MECOM: variants seen among roughly 807,000 people sequenced by gnomAD.
The protein encoded by MECOM is histone-lysine N-methyltransferase MECOM.
A neutral mutation model predicts 116.3 loss-of-function variants in MECOM; 13 were observed. The observed-to-expected ratio is 0.11, with a 90% CI of 0.07 to 0.18. The LOEUF (loss-of-function observed/expected upper bound fraction) is 0.18. Ranked by LOEUF, MECOM falls within the 10% of genes least tolerant of loss-of-function variation. MECOM has a pLI of 1.00. For missense variants in MECOM, 1,299 were observed against 1,509.0 expected (o/e 0.86, Z 2.31); for synonymous variants, 528 against 535.2 (o/e 0.99, Z 0.19).
chr3:169,485,702 C>T (rs1465920530), intron 1 of MECOM, among the ~76,000 whole-genome samples: 1 of 151,258 alleles, frequency 6.6e-6, no homozygotes, highest in African/African-American at 2.4e-5. Context: ...TGCTCAGATA[C>T]ACTCCCTTTA....
rs376307070 is a variant in MECOM, at chr3:169,344,655, A to G, written c.375+36532T>C. Among the ~76,000 whole-genome samples the G allele has an allele frequency of 1.1e-4, 17 of 152,208 alleles. No homozygotes were observed. In the East Asian group the frequency reaches 3.3e-3, roughly 29 times the overall value. ...CTTTTATAGTTATGCAATCATTATC[A>G]TCTGAAACTACTGACTAAGCATGAT... On this transcript the variant is annotated intron_variant, in intron 2 of 16. Transcript: ENST00000651503.
intron 1 of MECOM, among the ~76,000 whole-genome samples, chr3:169,608,736 G>A (rs1044980558): frequency 2.6e-5 from 4 of 152,252 alleles, no homozygotes; most frequent in Middle Eastern, 3.4e-3. Context: ...GTTAAAGTAC[G>A]ATAAATGCAA....
intron 2 of MECOM, among the ~76,000 whole-genome samples, chr3:169,313,120 T>C (rs1719103867): frequency 6.6e-6 from 1 of 152,046 alleles, no homozygotes; most frequent in Non-Finnish European, 1.5e-5. Context: ...ACTAGAGTTT[T>C]TCAAAAAAGA....
chr3:169,120,301 C>T (rs966200370), intron 7 of MECOM, among the ~76,000 whole-genome samples: 24 of 152,042 alleles, frequency 1.6e-4, no homozygotes, highest in African/African-American at 5.1e-4. Flanking sequence ...TAGGAGTGGG[C>T]GGAGAGAAGA....
Position 169,119,213 on chromosome 3 carries a change from T to C in MECOM, c.1132+1843A>G, listed in dbSNP as rs192213687. Among the ~76,000 whole-genome samples, 400 of 152,302 alleles carry C rather than the reference T, an allele frequency of 2.6e-3. 3 individuals are homozygous for C. The highest frequency in any genetic ancestry group is 9.0e-3 in the African/African-American group (374 of 41,564). On this transcript the variant is annotated intron_variant, in intron 7 of 16. Transcript: ENST00000651503. ...ACACACCAGTGGGGGTAAATCGTGG[T>C]GTGTGGCCTTCTGGTGAGAAACAGA... is the stretch of plus-strand genomic sequence containing the variant.
chr3:169,298,930 C>T (rs1007970012), intron 2 of MECOM, among the ~76,000 whole-genome samples: 1 of 152,080 alleles, frequency 6.6e-6, no homozygotes, highest in Non-Finnish European at 1.5e-5. Flanking sequence ...AAAGGGATTT[C>T]GAACTATAAT....
intron 2 of MECOM, among the ~76,000 whole-genome samples, chr3:169,248,413 C>T (rs905633155): frequency 2.0e-5 from 3 of 152,160 alleles, no homozygotes; most frequent in Non-Finnish European, 2.9e-5. Context: ...GCTAAATCTA[C>T]CTCTTAGTTT....
At chr3:169,397,674 A>C (rs1052737975) in intron 1 of MECOM, among the ~76,000 whole-genome samples, 1 of 152,222 alleles carries the variant, frequency 6.6e-6, no homozygotes, top group Non-Finnish European at 1.5e-5. Context: ...GTGTGTATAC[A>C]TGACACGACC....
chr3:169,405,954 C>CAT (rs1736630067), intron 1 of MECOM, among the ~76,000 whole-genome samples: 1 of 152,164 alleles, frequency 6.6e-6, no homozygotes, highest in East Asian at 1.9e-4. Context: ...CAACAGACTT[C>CAT]ATCAAATAAT....
Position 169,116,440 on chromosome 3 carries a change from C to T in MECOM, c.1432G>A (p.Gly478Ser). Residue 478 changes from glycine to serine, a missense_variant, in exon 8 of 17, where the codon GGT becomes AGT. Gly to Ser is a moderately conservative substitution (Grantham distance 56). Transcript: ENST00000651503. Reference sequence around the variant, plus strand: ...CCAGGAGCTGTTGGAAAGGTAAGACCAGCAGGATGCCTATTGGCGCCAAAA... The same window carrying T: ...CCAGGAGCTGTTGGAAAGGTAAGACTAGCAGGATGCCTATTGGCGCCAAAA... ...DYFGANRHPAGLTFPTAPGFS... is the reference protein window; with the variant it reads ...DYFGANRHPASLTFPTAPGFS... The T allele has an allele frequency of 6.2e-7, 1 of 1,614,116 alleles. No homozygotes were observed. The highest frequency in any genetic ancestry group is 8.5e-7 in the Non-Finnish European group (1 of 1,180,028).
chr3:169,632,316 A>G (rs1477474261), intron 1 of MECOM, among the ~76,000 whole-genome samples: 1 of 152,130 alleles, frequency 6.6e-6, no homozygotes, highest in Non-Finnish European at 1.5e-5. Flanking sequence ...AAAAATTCCA[A>G]TGACACTTTC....
chr3:169,504,898 G>A (rs868050041), intron 1 of MECOM, among the ~76,000 whole-genome samples: 2 of 152,070 alleles, frequency 1.3e-5, no homozygotes, highest in African/African-American at 4.8e-5. Flanking sequence ...ATATGCTTAC[G>A]CTTAGCATAG....
At chr3:169,636,569 C>T (rs1772780313) in intron 1 of MECOM, among the ~76,000 whole-genome samples, 1 of 152,164 alleles carries the variant, frequency 6.6e-6, no homozygotes, top group African/African-American at 2.4e-5. Flanking sequence ...TGCAGCCACT[C>T]CTTAGCAGTT....
chr3:169,564,997 G>A (rs1763060824), intron 1 of MECOM, among the ~76,000 whole-genome samples: 1 of 152,174 alleles, frequency 6.6e-6, no homozygotes, highest in Non-Finnish European at 1.5e-5. Context: ...ACCATGTATT[G>A]AGCATCTTTT....
intron 2 of MECOM, among the ~76,000 whole-genome samples, chr3:169,322,997 TAAAAAAAAAAAAAA>T (rs748984561): frequency 3.6e-5 from 2 of 56,024 alleles, no homozygotes; most frequent in East Asian, 4.9e-4. Flanking sequence ...AAGACTCCGG[TAAAAAAAAAAAAAA>T]AAAAAAAAAA....
At chr3:169,428,857 G>A (rs1323079341) in intron 1 of MECOM, among the ~76,000 whole-genome samples, 1 of 152,070 alleles carries the variant, frequency 6.6e-6, no homozygotes, top group Non-Finnish European at 1.5e-5. Context: ...GACATCACCT[G>A]GAAGTCTCTG....
intron 1 of MECOM, among the ~76,000 whole-genome samples, chr3:169,455,015 G>A (rs981865844): frequency 1.3e-5 from 2 of 152,218 alleles, no homozygotes; most frequent in South Asian, 2.1e-4. Flanking sequence ...CATCATGTCT[G>A]AGCAAGTTTG....
chr3:169,490,290 G>C (rs1752927264), intron 1 of MECOM, among the ~76,000 whole-genome samples: 1 of 152,094 alleles, frequency 6.6e-6, no homozygotes, highest in Non-Finnish European at 1.5e-5. Flanking sequence ...GCTGTTATTA[G>C]GTGGCAAAGT....
chr3:169,324,261 G>A (rs1008973107), intron 2 of MECOM, among the ~76,000 whole-genome samples: 2 of 152,160 alleles, frequency 1.3e-5, no homozygotes, highest in African/African-American at 4.8e-5. Flanking sequence ...TACTGATGAG[G>A]AAACCAAGCA....
Sources: gnomAD v4.1 joint callset for allele counts (sites outside exome capture counted in the v4.1 genomes callset) on GRCh38, gnomAD v4.1.1 for gene constraint, MANE v1.5 for transcripts, NCBI Gene and HGNC (gene_info 2026-07-23, HGNC 2026-07-21) for gene names.